Variants in DNAJB1 observed in about 807,000 individuals in gnomAD.
The protein encoded by DNAJB1 is DnaJ heat shock protein family (Hsp40) member B1, also known as dnaJ homolog subfamily B member 1.
A neutral mutation model predicts 24.0 loss-of-function variants in DNAJB1; 14 were observed. The observed-to-expected ratio is 0.58, with a 90% CI of 0.39 to 0.91. DNAJB1 has a LOEUF of 0.91. Ranked by LOEUF, DNAJB1 falls within the 40% of genes least tolerant of loss-of-function variation. The pLI is 0.00. For missense variants in DNAJB1, 517 were observed against 458.1 expected, an observed-to-expected ratio of 1.13 and a Z score of -1.17; for synonymous variants, 262 against 174.4, an observed-to-expected ratio of 1.50 and a Z score of -3.96.
upstream of DNAJB1, among the ~76,000 whole-genome samples, chr19:14,550,974 T>C (rs531862652): frequency 6.6e-6 from 1 of 151,888 alleles, no homozygotes; most frequent in Non-Finnish European, 1.5e-5. Context: ...ACCCGGCCGC[T>C]CCTTTTACTT....
intron 1 of DNAJB1, among the ~76,000 whole-genome samples, chr19:14,543,436 T>A (rs1388099871): frequency 0.065 from 2,622 of 40,232 alleles, 119 homozygotes; most frequent in Non-Finnish European, 0.11. Context: ...TTTTTTTTTT[T>A]TTTTTTTTTT....
chr19:14,543,411 ATATATATATTTTTTTTTTTTTTTTT>A (rs2073181802), intron 1 of DNAJB1, among the ~76,000 whole-genome samples: 2 of 9,128 alleles, frequency 2.2e-4, no homozygotes, highest in African/African-American at 7.2e-4. Context: ...ATATATATAT[ATATATATATTTTTTTTTTTTTTTTT>A]TTTTTTTTTT....
At chr19:14,556,418 AC>A (rs2146614998) in intron 1 of DNAJB1, among the ~76,000 whole-genome samples, 1 of 151,312 alleles carries the variant, frequency 6.6e-6, no homozygotes, top group East Asian at 1.9e-4. Context: ...CAAAAAAAAA[AC>A]AAAAACAAAA....
Position 14,516,141 on chromosome 19 carries a change from G to A in DNAJB1, c.822C>T (p.Pro274=), listed in dbSNP as rs770054120. The A allele has an allele frequency of 1.2e-6, 2 of 1,613,394 alleles. No individual in the cohort carries two copies. Among genetic ancestry groups the A allele is most frequent in the Non-Finnish European group, 8.5e-7 (1 of 1,179,888 alleles). The stretch of plus-strand genomic sequence containing the variant: ...CGGGTATCGTCCTGCCGTCCAGAGT[G>A]GGGACGTTCACTGTGCAGCCACACA... ...EALCGCTVNV[P]TLDGRTIPVV... is the part of the protein sequence containing the mutation. The change falls in exon 3 of 3, where the codon CCC becomes CCT. Residue 274 remains proline (P), a synonymous_variant. Transcript: ENST00000254322.
chr19:14,530,038 G>A (rs566291963), upstream of DNAJB1: 40 of 475,180 alleles, frequency 8.4e-5, no homozygotes, highest in Non-Finnish European at 1.4e-4. Context: ...GAAGGTGCGG[G>A]ACCCTTGCTC....
At chr19:14,523,860 G>A (rs1244092202) in intron 2 of DNAJB1, among the ~76,000 whole-genome samples, 1 of 151,922 alleles carries the variant, frequency 6.6e-6, no homozygotes, top group African/African-American at 2.4e-5. Context: ...CTGAGCTCAG[G>A]TGATCCGCCG....
At chr19:14,557,475 G>A (rs2073770722) in intron 1 of DNAJB1, among the ~76,000 whole-genome samples, 1 of 146,492 alleles carries the variant, frequency 6.8e-6, no homozygotes, top group African/African-American at 2.5e-5. Context: ...ATTTTGAGAT[G>A]GAGTCTTGCT....
At chr19:14,534,593 G>T (rs2072798740), upstream of DNAJB1, among the ~76,000 whole-genome samples, 1 of 151,830 alleles carries the variant, frequency 6.6e-6, no homozygotes, top group Non-Finnish European at 1.5e-5. Context: ...GTGCCACCAT[G>T]CCCGGCTAAT....
upstream of DNAJB1, among the ~76,000 whole-genome samples, chr19:14,521,609 C>T (rs2072360911): frequency 6.6e-6 from 1 of 152,032 alleles, no homozygotes; most frequent in Admixed American, 6.6e-5. Flanking sequence ...AAGCCTGGGT[C>T]ATGTTCAGGA....
upstream of DNAJB1, chr19:14,518,541 G>A (rs2072321219): frequency 4.7e-6 from 2 of 427,140 alleles, no homozygotes; most frequent in Admixed American, 4.5e-5. Flanking sequence ...GACATCCGGG[G>A]CGGGGCCTCG....
At chr19:14,524,353 A>T (rs1170207485) in intron 2 of DNAJB1, among the ~76,000 whole-genome samples, 1 of 151,834 alleles carries the variant, frequency 6.6e-6, no homozygotes, top group African/African-American at 2.4e-5. Context: ...ACATAGTGAG[A>T]CCCCATATCT....
At position 14,516,803 on chromosome 19, in the gene DNAJB1, G is replaced by A; in HGVS notation, c.455C>T (p.Ala152Val). 6.2e-7 allele frequency: 1 copy of A among 1,613,874 alleles called. No homozygotes were observed. Among genetic ancestry groups the A allele is most frequent in the East Asian group, 2.2e-5 (1 of 44,886 alleles). Residue 152 changes from alanine (A) to valine (V), a missense_variant, in exon 2 of 3, where the codon GCC becomes GTC. Coordinates refer to ENST00000254322, the MANE Select transcript of DNAJB1 (RefSeq NM_006145.3). The part of the protein sequence containing the change: ...TNVNFGRSRS[A>V]QEPARKKQDP... ...TTGCTTCTTTCGGGCGGGCTCTTGGGCAGAGCGGGAGCGGCCAAAGTTCAC... is the reference window on the plus strand; with the variant it reads ...TTGCTTCTTTCGGGCGGGCTCTTGGACAGAGCGGGAGCGGCCAAAGTTCAC...
At chr19:14,542,347 G>GGTTTTTTT (rs2073124658) in intron 1 of DNAJB1, among the ~76,000 whole-genome samples, 26 of 43,298 alleles carry the variant, frequency 6.0e-4, no homozygotes, top group Middle Eastern at 0.021. Flanking sequence ...ATGCCATAGT[G>GGTTTTTTT]TTTTTTTTTT....
At chr19:14,552,531 T>C (rs2073565296), upstream of DNAJB1, among the ~76,000 whole-genome samples, 1 of 151,166 alleles carries the variant, frequency 6.6e-6, no homozygotes, top group Non-Finnish European at 1.5e-5. Flanking sequence ...TCTTTTTCTT[T>C]TCTTTTCTTT....
intron 1 of DNAJB1, among the ~76,000 whole-genome samples, chr19:14,535,478 G>GT (rs555670797): frequency 1.4e-3 from 154 of 111,266 alleles, no homozygotes; most frequent in African/African-American, 5.2e-3. Context: ...CTGCACTCCA[G>GT]CCTGGGCGAC....
At chr19:14,535,223 AT>A (rs1289980947) in intron 1 of DNAJB1, among the ~76,000 whole-genome samples, 3 of 150,270 alleles carry the variant, frequency 2.0e-5, no homozygotes, top group Non-Finnish European at 4.4e-5. Context: ...AAATATAAAA[AT>A]TGGCCGGGTG....
chr19:14,517,218 C>A (rs1445789363), intron 1 of DNAJB1, 172 bp from the exon 2 acceptor site: 1 of 630,222 alleles, frequency 1.6e-6, no homozygotes, highest in Non-Finnish European at 2.7e-6. Flanking sequence ...GCAGAGACGC[C>A]CCCCTACCAA....
At chr19:14,528,481 GC>G (rs921824441) in intron 1 of DNAJB1, among the ~76,000 whole-genome samples, 1 of 151,662 alleles carries the variant, frequency 6.6e-6, no homozygotes, top group South Asian at 2.1e-4. Context: ...CTCGTGATCT[GC>G]CCCCCTCGGC....
upstream of DNAJB1, among the ~76,000 whole-genome samples, chr19:14,522,683 GACACACACACACACAC>G (rs56121204): frequency 2.6e-4 from 31 of 117,930 alleles, no homozygotes; most frequent in East Asian, 2.8e-3. Flanking sequence ...CACACACACA[GACACACACACACACAC>G]ACACACACAC....
Sources: allele counts gnomAD v4.1 joint callset (sites outside exome capture counted in the v4.1 genomes callset), GRCh38; gene constraint gnomAD v4.1.1; transcripts MANE v1.5; gene names NCBI Gene and HGNC (gene_info 2026-07-23, HGNC 2026-07-21).